The following MRTFA variants were observed in gnomAD, a reference collection of about 807,000 sequenced individuals.
MRTFA encodes the protein myocardin-related transcription factor A.
A neutral mutation model predicts 83.5 loss-of-function variants in MRTFA; 20 were observed. That is an observed-to-expected ratio of 0.24 (90% CI 0.17 to 0.35). The LOEUF is 0.35. Among genes scored for constraint, MRTFA ranks in the 10% least tolerant of loss-of-function variants. The pLI is 1.00. For synonymous variants in MRTFA, 659 were observed against 541.2 expected (o/e 1.22, Z -3.02); for missense variants, 1,200 against 1,224.7 (o/e 0.98, Z 0.30).
intron 2 of MRTFA, among the ~76,000 whole-genome samples, chr22:40,593,682 C>T (rs574027009): frequency 6.6e-6 from 1 of 152,176 alleles, no homozygotes; most frequent in Non-Finnish European, 1.5e-5. Context: ...AGTGGCTACA[C>T]TGTTTTTCCC....
intron 4 of MRTFA, among the ~76,000 whole-genome samples, chr22:40,454,110 T>C (rs1479663091): frequency 6.6e-6 from 1 of 152,204 alleles, no homozygotes; most frequent in Non-Finnish European, 1.5e-5. Flanking sequence ...AAGAACTGTA[T>C]TTATTGGAAA....
At chr22:40,488,500 C>T (rs2054210639) in intron 3 of MRTFA, among the ~76,000 whole-genome samples, 1 of 151,362 alleles carries the variant, frequency 6.6e-6, no homozygotes, top group East Asian at 1.9e-4. Context: ...CTGGGCGACA[C>T]GGTGAGACTC....
At chr22:40,501,865 A>C (rs1194692268) in intron 3 of MRTFA, among the ~76,000 whole-genome samples, 45 of 36,326 alleles carry the variant, frequency 1.2e-3, no homozygotes, top group Non-Finnish European at 1.4e-3. Flanking sequence ...CTGACCCCCC[A>C]ACCTCCCTCC....
At chr22:40,611,707 T>C (rs2056390088) in intron 1 of MRTFA, among the ~76,000 whole-genome samples, 1 of 152,188 alleles carries the variant, frequency 6.6e-6, no homozygotes, top group Non-Finnish European at 1.5e-5. Flanking sequence ...CAGTAATTTT[T>C]AAAGTTCTGT....
chr22:40,621,339 T>TTA (rs148809684), intron 1 of MRTFA, among the ~76,000 whole-genome samples: 2 of 152,304 alleles, frequency 1.3e-5, no homozygotes, highest in African/African-American at 2.4e-5. Context: ...CTTGAGGACA[T>TTA]TATACTAAGT....
intron 6 of MRTFA, among the ~76,000 whole-genome samples, 160 bp from the exon 7 acceptor site, chr22:40,429,927 A>C (rs2053034255): frequency 6.6e-6 from 1 of 152,060 alleles, no homozygotes; most frequent in Non-Finnish European, 1.5e-5. Flanking sequence ...TTGAAGTTTC[A>C]CAAAGACAAG....
Position 40,509,982 on chromosome 22 carries a change from T to TAAAAAAAAAAAAAAA in MRTFA, c.241+42109_241+42123dup, listed in dbSNP as rs556051473. Among the ~76,000 whole-genome samples, 13 of 108,106 alleles carry TAAAAAAAAAAAAAAA rather than the reference T, an allele frequency of 1.2e-4. 1 individual carries two copies. The highest frequency in any genetic ancestry group is 2.9e-4 in the African/African-American group (8 of 27,558). 70.9% of individuals were successfully genotyped at this position (108,106 alleles called of 152,430 possible). ...ATCAAGAAACAGCAGCCAAGTACTT[T>TAAAAAAAAAAAAAAA]AAAAAAAAAAAAAAAGTGAAGTTAA... On this transcript the variant is annotated intron_variant, in intron 3 of 14. Coordinates refer to ENST00000355630, the MANE Select transcript of MRTFA (RefSeq NM_020831.6).
intron 3 of MRTFA, among the ~76,000 whole-genome samples, chr22:40,529,241 T>C (rs377518421): frequency 5.9e-4 from 90 of 152,236 alleles, no homozygotes; most frequent in African/African-American, 2.1e-3. Context: ...ATTAGGGAAA[T>C]AGAAGTTAAA....
intron 3 of MRTFA, among the ~76,000 whole-genome samples, chr22:40,538,953 C>G (rs2055236879): frequency 6.8e-6 from 1 of 146,874 alleles, no homozygotes; most frequent in South Asian, 2.1e-4. Context: ...TTAATTCACT[C>G]TAAAGGGACA....
chr22:40,457,444 A>AAGAAAGAAAG (rs1223702391), intron 4 of MRTFA, among the ~76,000 whole-genome samples: 2 of 125,420 alleles, frequency 1.6e-5, no homozygotes, highest in Non-Finnish European at 3.4e-5. Flanking sequence ...AAGAGAAAGA[A>AAGAAAGAAAG]AGAAAGAAAG....
intron 3 of MRTFA, among the ~76,000 whole-genome samples, chr22:40,481,039 T>C (rs2054082706): frequency 1.3e-5 from 2 of 151,936 alleles, no homozygotes; most frequent in African/African-American, 4.8e-5. Context: ...AGCTGAGGGG[T>C]TGAGGCTGCA....
In MRTFA at chr22:40,427,024, C is replaced by T. The variant is rs1486194515; in HGVS notation, c.601+2582G>A. Among the ~76,000 whole-genome samples, 6 of 152,336 alleles carry T rather than the reference C, an allele frequency of 3.9e-5. No individual in the cohort carries two copies. In the South Asian group the frequency reaches 1.0e-3, roughly 26 times the overall value. The stretch of plus-strand genomic sequence containing the variant: ...CAGACTCAGAAATCAGTTGTTTATA[C>T]ATTAGTCTTCTCACATCAGACCTAC... On this transcript the variant is annotated intron_variant, in intron 7 of 14. Transcript: ENST00000355630.
intron 3 of MRTFA, among the ~76,000 whole-genome samples, chr22:40,484,841 C>T (rs944940019): frequency 4.0e-5 from 6 of 151,596 alleles, no homozygotes; most frequent in Admixed American, 6.6e-5. Context: ...AGGAGGCCGA[C>T]GCAGGCGGAT....
chr22:40,452,805 CAAAAAAA>C (rs34486531), intron 4 of MRTFA, among the ~76,000 whole-genome samples: 4 of 62,666 alleles, frequency 6.4e-5, no homozygotes, highest in Admixed American at 3.8e-4. Flanking sequence ...CACTCCGTCT[CAAAAAAA>C]AAAAAAAAAA....
intron 2 of MRTFA, among the ~76,000 whole-genome samples, chr22:40,571,207 C>CA (rs948786910): frequency 2.6e-5 from 4 of 151,128 alleles, no homozygotes; most frequent in South Asian, 2.1e-4. Flanking sequence ...GACCCTCTCT[C>CA]AAAAAAAATA....
chr22:40,417,160 G>A, intron 13 of MRTFA, 114 bp from the exon 14 acceptor site: 1 of 1,390,728 alleles, frequency 7.2e-7, no homozygotes, highest in Non-Finnish European at 9.8e-7. Flanking sequence ...AGATCCACAG[G>A]ACCCATGGGC....
chr22:40,573,665 G>A (rs1307999488), intron 2 of MRTFA, among the ~76,000 whole-genome samples: 1 of 152,054 alleles, frequency 6.6e-6, no homozygotes, highest in Non-Finnish European at 1.5e-5. Flanking sequence ...AACTTTGGGA[G>A]GCCAAGGCAG....
At chr22:40,482,255 A>T (rs1286911657) in intron 3 of MRTFA, among the ~76,000 whole-genome samples, 3 of 152,114 alleles carry the variant, frequency 2.0e-5, no homozygotes, top group Non-Finnish European at 4.4e-5. Context: ...CCTGATATCA[A>T]AGCTTGTGCT....
chr22:40,416,277 C>A lies in MRTFA; in HGVS notation c.2578+709G>T, dbSNP rs545308940. Among the ~76,000 whole-genome samples the A allele has an allele frequency of 6.2e-4, 94 of 152,318 alleles. No homozygotes were observed. Among genetic ancestry groups the A allele is most frequent in the Non-Finnish European group, 1.1e-3 (78 of 68,004 alleles). On this transcript the variant is annotated intron_variant, in intron 14 of 14. Coordinates refer to ENST00000355630, the MANE Select transcript of MRTFA (RefSeq NM_020831.6). The surrounding 1 kb of genome is among the most constrained non-coding windows in gnomAD (Gnocchi z 4.2). ...CTCTCCAAATGGGGCTGATTCCAGC[C>A]GCTCCTCTGCCCGCCACTGCTGCCT...
Sources: allele counts gnomAD v4.1 joint callset (sites outside exome capture counted in the v4.1 genomes callset), GRCh38; gene constraint gnomAD v4.1.1; non-coding constraint Gnocchi (gnomAD v3.1); transcripts MANE v1.5; gene names NCBI Gene and HGNC (gene_info 2026-07-23, HGNC 2026-07-21).